The following HAGH variants were observed in gnomAD, a reference collection of about 807,000 sequenced individuals.
HAGH encodes hydroxyacylglutathione hydrolase.
A neutral mutation model predicts 35.1 loss-of-function variants in HAGH; 29 were observed. The ratio of observed to expected loss-of-function variants is 0.83; its 90% CI spans 0.62 to 1.13. The LOEUF (loss-of-function observed/expected upper bound fraction) is 1.13. HAGH is among the 50% of genes most tolerant of loss of function. The pLI, the probability that HAGH is intolerant of heterozygous loss-of-function variation, is 0.00. For synonymous variants in HAGH, 225 were observed against 176.1 expected (o/e 1.28, Z -2.20); for missense variants, 478 against 419.6 (o/e 1.14, Z -1.22).
intron 7 of HAGH, among the ~76,000 whole-genome samples, chr16:1,816,375 ACT>A (rs1278700031): frequency 6.6e-6 from 1 of 151,874 alleles, no homozygotes; most frequent in Non-Finnish European, 1.5e-5. Context: ...AGAGGCAGCG[ACT>A]CTCACTCCAC....
At chr16:1,825,160 A>T (rs1898340785) in intron 1 of HAGH, among the ~76,000 whole-genome samples, 2 of 152,248 alleles carry the variant, frequency 1.3e-5, no homozygotes, top group South Asian at 4.1e-4. Context: ...CTACTAAAAA[A>T]TACAAAAATT....
intron 2 of HAGH, 47 bp from the exon 3 acceptor site, chr16:1,822,411 C>T: frequency 7.1e-7 from 1 of 1,399,406 alleles, no homozygotes; most frequent in Non-Finnish European, 1.0e-6. Flanking sequence ...ACTCCTAGGC[C>T]TGGCTTGCTG....
Position 1,816,994 on chromosome 16 carries a change from T to C in HAGH, c.646A>G (p.Arg216Gly), listed in dbSNP as rs1055874921. ...EVLGRLPPDTRVYCGHEYTIN... is the reference protein window; with the variant it reads ...EVLGRLPPDTGVYCGHEYTIN... ...GTGTACTCGTGGCCACAGTAGACTC[T>C]CTGAGGAGAGAGGTGACAGGTGAGC... The change falls in exon 7 of 9, where the codon AGA (arginine) becomes GGA (glycine). Residue 216 changes from arginine to glycine, a missense_variant and splice_region_variant. Coordinates refer to ENST00000397356, the MANE Select transcript of HAGH (RefSeq NM_005326.6). 4.4e-6 allele frequency: 7 copies of C among 1,603,810 alleles called. No homozygotes were observed. Among genetic ancestry groups the C allele is most frequent in the Non-Finnish European group, 6.0e-6 (7 of 1,170,712 alleles).
intron 2 of HAGH, 119 bp downstream of exon 2, chr16:1,822,746 A>T: frequency 1.2e-6 from 1 of 820,230 alleles, no homozygotes; most frequent in East Asian, 2.5e-5. Flanking sequence ...GTGGCCGGAG[A>T]CTAATTTCCA....
At chr16:1,814,196 C>T (rs1305174272) in intron 7 of HAGH, among the ~76,000 whole-genome samples, 1 of 152,094 alleles carries the variant, frequency 6.6e-6, no homozygotes, top group African/African-American at 2.4e-5. Flanking sequence ...TTGAGTAGGC[C>T]GGGCGCAGTG....
chr16:1,817,340 G>A, intron 5 of HAGH, 69 bp from the exon 6 acceptor site: 1 of 977,866 alleles, frequency 1.0e-6, no homozygotes, highest in Non-Finnish European at 1.6e-6. Flanking sequence ...GAGGGGGCCA[G>A]GAGCAGGGTG....
In HAGH at chr16:1,809,770, G is replaced by C. The variant is rs1897554916; in HGVS notation, c.811C>G (p.Pro271Ala). The C allele has an allele frequency of 1.9e-6, 3 of 1,612,460 alleles. No individual in the cohort carries two copies. Among genetic ancestry groups the C allele is most frequent in the Non-Finnish European group, 2.5e-6 (3 of 1,178,552 alleles). Residue 271 changes from proline to alanine, a missense_variant, in exon 8 of 9, where the codon CCC becomes GCC. Pro to Ala is a conservative substitution (Grantham distance 27). Coordinates refer to ENST00000397356, the MANE Select transcript of HAGH (RefSeq NM_005326.6). ...GGGCCTCACCTCACTCTCATGAAGG[G>C]GTTGTAGGTAAACTCCTCTGCCAGG... ...STLAEEFTYNPFMRVREKTVQ... is the reference protein window; with the variant it reads ...STLAEEFTYNAFMRVREKTVQ...
chr16:1,810,275 GCCAGCGT>G (rs1897586301), intron 7 of HAGH: 1 of 167,016 alleles, frequency 6.0e-6, no homozygotes, highest in South Asian at 1.4e-4. Flanking sequence ...GGGAAGAGAA[GCCAGCGT>G]CCGGGATGAG....
chr16:1,825,661 C>T (rs1478735339), intron 1 of HAGH, among the ~76,000 whole-genome samples: 1 of 152,210 alleles, frequency 6.6e-6, no homozygotes, highest in African/African-American at 2.4e-5. Context: ...GCAGCCTCGA[C>T]CTCCTGGACT....
intron 1 of HAGH, among the ~76,000 whole-genome samples, chr16:1,824,457 C>T (rs1301032247): frequency 6.6e-6 from 1 of 152,142 alleles, no homozygotes; most frequent in Non-Finnish European, 1.5e-5. Flanking sequence ...GCCACCCAGT[C>T]GACCAATGCA....
chr16:1,809,924 G>T, intron 7 of HAGH, 91 bp from the exon 8 acceptor site: 1 of 927,626 alleles, frequency 1.1e-6, no homozygotes, highest in Non-Finnish European at 1.8e-6. Context: ...AGCACTTTGG[G>T]AGGCTAAGGC....
At chr16:1,822,785 T>C in intron 2 of HAGH, 80 bp downstream of exon 2, 1 of 1,214,852 alleles carries the variant, frequency 8.2e-7, no homozygotes, top group Non-Finnish European at 1.2e-6. Context: ...GCAAGGACAC[T>C]GCGGTTAGGA....
chr16:1,816,760 C>T, intron 7 of HAGH, 133 bp downstream of exon 7: 1 of 657,994 alleles, frequency 1.5e-6, no homozygotes, highest in Non-Finnish European at 2.7e-6. Context: ...GCGAGCTGGG[C>T]CACACTGGCC....
intron 1 of HAGH, among the ~76,000 whole-genome samples, chr16:1,824,835 T>C (rs1266242490): frequency 2.0e-5 from 3 of 152,230 alleles, no homozygotes; most frequent in African/African-American, 7.2e-5. Context: ...CCAAGATTTC[T>C]ATATGAGCAG....
chr16:1,818,716 G>C (rs1404587391), intron 5 of HAGH: 2 of 182,308 alleles, frequency 1.1e-5, no homozygotes, highest in South Asian at 2.1e-4. Flanking sequence ...GGCTCCACAG[G>C]TCTGCAACCA....
At chr16:1,814,679 C>G (rs1897808683) in intron 7 of HAGH, among the ~76,000 whole-genome samples, 1 of 149,378 alleles carries the variant, frequency 6.7e-6, no homozygotes, top group Non-Finnish European at 1.5e-5. Flanking sequence ...GCGGGTGGAT[C>G]ACGAGGTCAG....
Position 1,809,263 on chromosome 16 carries a change from G to A in HAGH, c.*20C>T, listed in dbSNP as rs1157423332. ...CTAAAAGAGCCTAATCCCCAAATCC[G>A]CTGAAGGTGCAGGGCGGCCTCAGTC... On this transcript the variant is annotated 3_prime_UTR_variant, in exon 9 of 9. Coordinates refer to ENST00000397356, the MANE Select transcript of HAGH (RefSeq NM_005326.6). 5.2e-6 allele frequency: 8 copies of A among 1,541,034 alleles called. No homozygotes were observed. Among genetic ancestry groups the A allele is most frequent in the African/African-American group, 4.1e-5 (3 of 73,358 alleles).
rs1898193807 is a variant in HAGH at position 1,822,368 on chromosome 16, C to A, written c.250-4G>T. ...GCTTTCTCGCCGCGTCCACGACCTG[C>A]AGTGGCCCCGGGGAAGGACAAAGGC... On this transcript the variant is annotated splice_region_variant and splice_polypyrimidine_tract_variant and intron_variant, in intron 2 of 8. Coordinates refer to ENST00000397356, the MANE Select transcript of HAGH (RefSeq NM_005326.6). The A allele has an allele frequency of 6.2e-7, 1 of 1,606,756 alleles. No homozygotes were observed. The highest frequency in any genetic ancestry group is 1.3e-5 in the African/African-American group (1 of 74,796).
intron 3 of HAGH, among the ~76,000 whole-genome samples, chr16:1,820,828 C>T (rs973958319): frequency 7.2e-5 from 11 of 152,162 alleles, no homozygotes; most frequent in Non-Finnish European, 1.2e-4. Context: ...CAGGAGGGCG[C>T]GGCACCACAG....
Sources: gnomAD v4.1 joint callset for allele counts (sites outside exome capture counted in the v4.1 genomes callset) on GRCh38, gnomAD v4.1.1 for gene constraint, MANE v1.5 for transcripts, NCBI Gene and HGNC (gene_info 2026-07-23, HGNC 2026-07-21) for gene names.